Variants in CYP2B6 observed in about 807,000 individuals in gnomAD.
CYP2B6 encodes the protein cytochrome P450 2B6.
Under a neutral mutation model 43.4 loss-of-function variants are expected in CYP2B6, and 35 were observed. The observed-to-expected ratio is 0.81, with a 90% CI of 0.62 to 1.07. The LOEUF (loss-of-function observed/expected upper bound fraction) is 1.07. Among genes scored for constraint, CYP2B6 ranks in the 50% least tolerant of loss-of-function variants. CYP2B6 has a pLI of 0.00. For synonymous variants in CYP2B6, 239 were observed against 239.2 expected (o/e 1.00, Z 0.01); for missense variants, 624 against 632.8 (o/e 0.99, Z 0.15).
At chr19:41,006,513 C>G (rs1379502799) in intron 3 of CYP2B6, among the ~76,000 whole-genome samples, 1 of 151,820 alleles carries the variant, frequency 6.6e-6, no homozygotes, top group Non-Finnish European at 1.5e-5. Context: ...GCCCCTATCC[C>G]TGGGATTTAA....
chr19:40,994,331 G>T (rs1968967826), intron 1 of CYP2B6, among the ~76,000 whole-genome samples: 1 of 152,100 alleles, frequency 6.6e-6, no homozygotes, highest in Admixed American at 6.5e-5. Context: ...CACTCGTGGT[G>T]TTGGAAAAGA....
rs760417800 is a variant in CYP2B6 at position 41,012,307 on chromosome 19, A to T, written c.974A>T (p.Tyr325Phe). 12 of 1,614,094 alleles carry T rather than the reference A, an allele frequency of 7.4e-6. No homozygotes were observed. Among genetic ancestry groups the T allele is most frequent in the Non-Finnish European group, 1.0e-5 (12 of 1,179,982 alleles). Residue 325 changes from tyrosine to phenylalanine, a missense_variant, in exon 7 of 9, where the codon TAC becomes TTC. Tyr to Phe is a conservative substitution (Grantham distance 22). Transcript: ENST00000324071. The stretch of plus-strand genomic sequence containing the variant: ...CTTCTTTTCTGTACAGAGAGAGTCT[A>T]CAGGGAGATTGAACAGGTGATTGGC... ...LKYPHVAERVYREIEQVIGPH... is the reference protein window; with the variant it reads ...LKYPHVAERVFREIEQVIGPH...
chr19:41,006,758 G>A (rs898910546), intron 3 of CYP2B6, 147 bp from the exon 4 acceptor site: 20 of 747,132 alleles, frequency 2.7e-5, no homozygotes, highest in African/African-American at 2.1e-4. Context: ...GGAATTACGC[G>A]TGACGTGCTG....
Position 41,016,731 on chromosome 19 carries a change from C to A in CYP2B6, c.1380C>A (p.Ala460=). The A allele has an allele frequency of 6.2e-7, 1 of 1,614,232 alleles. No homozygotes were observed. The highest frequency in any genetic ancestry group is 1.1e-5 in the South Asian group (1 of 91,090). Reference sequence around the variant, plus strand: ...CCATCCTCCAGAACTTCTCCATGGCCAGCCCCGTGGCCCCAGAAGACATCG... The same window carrying A: ...CCATCCTCCAGAACTTCTCCATGGCAAGCCCCGTGGCCCCAGAAGACATCG... ...FTTILQNFSM[A]SPVAPEDIDL... Residue 460 remains alanine (A), a synonymous_variant, in exon 9 of 9, where the codon GCC becomes GCA. Coordinates refer to ENST00000324071, the MANE Select transcript of CYP2B6 (RefSeq NM_000767.5).
chr19:41,014,795 A>G (rs1023907381), intron 8 of CYP2B6, among the ~76,000 whole-genome samples: 3 of 151,668 alleles, frequency 2.0e-5, no homozygotes, highest in African/African-American at 7.3e-5. Context: ...AGAGAGAGAC[A>G]CAGAGAGAGA....
chr19:41,012,656 C>G lies in CYP2B6; in HGVS notation c.1153-18C>G. The G allele has an allele frequency of 6.2e-7, 1 of 1,613,552 alleles. No individual in the cohort carries two copies. Among genetic ancestry groups the G allele is most frequent in the Non-Finnish European group, 8.5e-7 (1 of 1,179,876 alleles). On this transcript the variant is annotated intron_variant, in intron 7 of 8. Coordinates refer to ENST00000324071, the MANE Select transcript of CYP2B6 (RefSeq NM_000767.5). ...GGAGGGAATGGCAATATCTTTTGAT[C>G]TTGTGATCCTCCCTCAGGACACAGA...
intron 1 of CYP2B6, among the ~76,000 whole-genome samples, chr19:41,000,457 G>A (rs574297836): frequency 6.6e-5 from 10 of 152,272 alleles, no homozygotes; most frequent in South Asian, 2.1e-4. Flanking sequence ...ACTGGCAGTC[G>A]GCCAGGGCCT....
At position 41,004,446 on chromosome 19, in the gene CYP2B6, G is replaced by T; in HGVS notation, c.484G>T (p.Gly162Trp). The T allele has an allele frequency of 6.2e-7, 1 of 1,613,588 alleles. No individual in the cohort carries two copies. The highest frequency in any genetic ancestry group is 1.1e-5 in the South Asian group (1 of 90,938). Residue 162 changes from glycine to tryptophan, a missense_variant and splice_region_variant, in exon 3 of 9, where the codon GGG becomes TGG. Physicochemically the swap from Gly to Trp is radical, Grantham distance 184. Coordinates refer to ENST00000324071, the MANE Select transcript of CYP2B6 (RefSeq NM_000767.5). ...GATAGAGGAGCTTCGGAAATCCAAG[G>T]GTGAGTCCTGGGGGATGAATAGGAA... is the stretch of plus-strand genomic sequence containing the variant. The part of the protein sequence containing the change: ...CLIEELRKSK[G>W]ALMDPTFLFQ...
chr19:40,995,837 G>T (rs1968992390), intron 1 of CYP2B6, among the ~76,000 whole-genome samples: 1 of 152,084 alleles, frequency 6.6e-6, no homozygotes, highest in Non-Finnish European at 1.5e-5. Flanking sequence ...TCAAAGACTG[G>T]AGAGACCAAA....
intron 3 of CYP2B6, among the ~76,000 whole-genome samples, chr19:41,005,561 A>T (rs979628838): frequency 6.6e-6 from 1 of 152,078 alleles, no homozygotes; most frequent in Non-Finnish European, 1.5e-5. Context: ...CTGGCGGATC[A>T]TTTGAGGCCA....
rs1473009959 is a variant in CYP2B6 at position 41,012,791 on chromosome 19, G to A, written c.1270G>A (p.Glu424Lys). 1.9e-6 allele frequency: 3 copies of A among 1,614,106 alleles called. No individual in the cohort carries two copies. The highest frequency in any genetic ancestry group is 1.1e-5 in the South Asian group (1 of 91,080). Reference sequence around the variant, plus strand: ...TGCCAATGGGGCACTGAAAAAGACTGAAGCTTTTATCCCCTTCTCCTTAGG... The same window carrying A: ...TGCCAATGGGGCACTGAAAAAGACTAAAGCTTTTATCCCCTTCTCCTTAGG... ...LDANGALKKT[E>K]AFIPFSLGKR... Residue 424 changes from glutamate to lysine, a missense_variant, in exon 8 of 9, where the codon GAA becomes AAA. Transcript: ENST00000324071.
chr19:40,994,406 C>T (rs908819777), intron 1 of CYP2B6, among the ~76,000 whole-genome samples: 8 of 152,108 alleles, frequency 5.3e-5, no homozygotes, highest in African/African-American at 1.7e-4. Flanking sequence ...CTGCATAGCT[C>T]CTGAACAAGG....
In CYP2B6 at chr19:41,018,262, G is replaced by A. The variant is rs940345999; in HGVS notation, c.*1435G>A. The stretch of plus-strand genomic sequence containing the variant: ...CCAGCTGCCTCTTCCTACTGCTTCC[G>A]TCTATCAAAAAGCCCCCTTGGCCCA... On this transcript the variant is annotated 3_prime_UTR_variant, in exon 9 of 9. Coordinates refer to ENST00000324071, the MANE Select transcript of CYP2B6 (RefSeq NM_000767.5). 8 of 152,372 alleles carry A rather than the reference G, an allele frequency of 5.3e-5. No homozygotes were observed. The highest frequency in any genetic ancestry group is 2.1e-4 in the South Asian group (1 of 4,820). 9.4% of individuals were successfully genotyped at this position (152,372 alleles called of 1,614,324 possible). A position where few individuals can be genotyped will look rare whatever the true frequency, so the allele number is the denominator to read the frequency against.
At chr19:41,003,273 G>A (rs147337157) in intron 1 of CYP2B6, among the ~76,000 whole-genome samples, 199 of 152,052 alleles carry the variant, frequency 1.3e-3, no homozygotes, top group African/African-American at 4.6e-3. Context: ...ATAATACTGA[G>A]CACTATGCAT....
intron 6 of CYP2B6, among the ~76,000 whole-genome samples, chr19:41,011,859 T>C (rs1392334614): frequency 6.6e-6 from 1 of 152,222 alleles, no homozygotes; most frequent in African/African-American, 2.4e-5. Context: ...TGCTGATTAC[T>C]TTGAGGGGTA....
Position 41,010,155 on chromosome 19 carries a change from T to A in CYP2B6, c.964+20T>A, listed in dbSNP as rs1481186712. 1 of 1,612,088 alleles carries A rather than the reference T, an allele frequency of 6.2e-7. No individual in the cohort carries two copies. Among genetic ancestry groups the A allele is most frequent in the Admixed American group, 1.7e-5 (1 of 60,024 alleles). ...TTGCAGGTGGGCCAGGGACAGCCAG[T>A]CAAGGGGGTCTTCTGACCTCCTTCT... On this transcript the variant is annotated intron_variant, in intron 6 of 8. Coordinates refer to ENST00000324071, the MANE Select transcript of CYP2B6 (RefSeq NM_000767.5).
intron 5 of CYP2B6, 118 bp downstream of exon 5, chr19:41,009,513 G>A (rs890490167): frequency 1.3e-5 from 16 of 1,209,898 alleles, no homozygotes; most frequent in Admixed American, 1.9e-5. Context: ...AGAAAGACTA[G>A]GGAGGGGAGA....
intron 1 of CYP2B6, among the ~76,000 whole-genome samples, chr19:40,996,049 G>C (rs1030277370): frequency 6.6e-6 from 1 of 152,062 alleles, no homozygotes; most frequent in African/African-American, 2.4e-5. Context: ...GACATGTCTT[G>C]CAACCTAACC....
intron 1 of CYP2B6, among the ~76,000 whole-genome samples, chr19:40,995,029 GT>G (rs369629008): frequency 5.9e-5 from 9 of 151,750 alleles, no homozygotes; most frequent in Admixed American, 6.6e-5. Flanking sequence ...ACAACTCCTT[GT>G]TTTTTTTGTT....
Sources: allele counts gnomAD v4.1 joint callset (sites outside exome capture counted in the v4.1 genomes callset), GRCh38; gene constraint gnomAD v4.1.1; transcripts MANE v1.5; gene names NCBI Gene and HGNC (gene_info 2026-07-23, HGNC 2026-07-21).